The following EGFR variants were observed in gnomAD, a reference collection of about 807,000 sequenced individuals.
The protein encoded by EGFR is epidermal growth factor receptor.
A neutral mutation model predicts 143.0 loss-of-function variants in EGFR; 58 were observed. The ratio of observed to expected loss-of-function variants is 0.41; its 90% CI spans 0.33 to 0.50. The LOEUF (loss-of-function observed/expected upper bound fraction) is 0.50. EGFR is among the 20% of genes least tolerant of loss of function. The probability of loss-of-function intolerance (pLI) is 0.39; values close to 1 mark genes in which losing one functional copy is unlikely to be tolerated. For synonymous variants in EGFR, 613 were observed against 594.4 expected (o/e 1.03, Z -0.45); for missense variants, 1,307 against 1,579.0 (o/e 0.83, Z 2.92).
intron 1 of EGFR, among the ~76,000 whole-genome samples, chr7:55,048,169 C>A (rs1788288694): frequency 6.6e-6 from 1 of 151,798 alleles, no homozygotes; most frequent in African/African-American, 2.4e-5. Context: ...ATCCTTAGAC[C>A]CCCCCTCGGT....
At chr7:55,186,528 A>G (rs1436117479) in intron 20 of EGFR, among the ~76,000 whole-genome samples, 2 of 152,212 alleles carry the variant, frequency 1.3e-5, no homozygotes, top group African/African-American at 4.8e-5. Flanking sequence ...TCCTAGGTCC[A>G]AGGACCAGAG....
intron 5 of EGFR, among the ~76,000 whole-genome samples, chr7:55,152,059 C>T (rs771581052): frequency 5.3e-5 from 8 of 152,296 alleles, no homozygotes; most frequent in Admixed American, 2.0e-4. Context: ...AGCCTGAGCA[C>T]GGGTTCTCAT....
intron 1 of EGFR, among the ~76,000 whole-genome samples, chr7:55,069,507 G>C (rs1482814178): frequency 2.0e-5 from 3 of 152,224 alleles, no homozygotes; most frequent in Non-Finnish European, 2.9e-5. Flanking sequence ...TGGTGACCAA[G>C]CACATCAGAC....
chr7:55,081,375 T>C (rs184064596), intron 1 of EGFR, among the ~76,000 whole-genome samples: 28 of 152,304 alleles, frequency 1.8e-4, no homozygotes, highest in Non-Finnish European at 2.6e-4. Flanking sequence ...TCCTAGACTG[T>C]TCACACTGCT....
chr7:55,129,619 G>T (rs954595627), intron 1 of EGFR, among the ~76,000 whole-genome samples: 13 of 152,090 alleles, frequency 8.5e-5, no homozygotes, highest in Non-Finnish European at 1.6e-4. Flanking sequence ...AGTAAATTGT[G>T]CCCAGCACGG....
chr7:55,099,111 C>G (rs10255134), intron 1 of EGFR, among the ~76,000 whole-genome samples: 2,059 of 152,332 alleles, frequency 0.014, 48 homozygotes, highest in African/African-American at 0.047. Context: ...TCTGTGTGCT[C>G]TCTCGTATCT....
chr7:55,038,202 C>T (rs1787707518), intron 1 of EGFR, among the ~76,000 whole-genome samples: 1 of 152,156 alleles, frequency 6.6e-6, no homozygotes, highest in Non-Finnish European at 1.5e-5. Context: ...ATTGATCTGT[C>T]GTTCACATGC....
Position 55,205,550 on chromosome 7 carries a change from G to C in EGFR, c.3566G>C (p.Gly1189Ala), listed in dbSNP as rs747600559. 10 of 1,614,028 alleles carry C rather than the reference G, an allele frequency of 6.2e-6. No individual in the cohort carries two copies. The highest frequency in any genetic ancestry group is 3.3e-4 in the Middle Eastern group (2 of 6,084). Reference protein sequence around the residue: ...KEAKPNGIFKGSTAENAEYLR... With the variant: ...KEAKPNGIFKASTAENAEYLR... ...GCCAAGCCAAATGGCATCTTTAAGG[G>C]CTCCACAGCTGAAAATGCAGAATAC... Residue 1189 changes from glycine (G) to alanine (A), a missense_variant, in exon 28 of 28, where the codon GGC (glycine) becomes GCC (alanine). Gly to Ala is a moderately conservative substitution (Grantham distance 60). Around this residue, in one of 7 missense-constraint regions of EGFR, gnomAD observed 313 missense variants for 312.3 expected, o/e 1.00. Transcript: ENST00000275493.
chr7:55,031,148 C>A (rs1787219644), intron 1 of EGFR, among the ~76,000 whole-genome samples: 1 of 152,216 alleles, frequency 6.6e-6, no homozygotes, highest in Non-Finnish European at 1.5e-5. Context: ...AGCAATGGAT[C>A]TCCAGTTGTT....
chr7:55,035,250 T>C (rs1332755502), intron 1 of EGFR, among the ~76,000 whole-genome samples: 1 of 152,212 alleles, frequency 6.6e-6, no homozygotes, highest in Non-Finnish European at 1.5e-5. Flanking sequence ...TTTTAAGCAT[T>C]GTTATTCACT....
At chr7:55,043,178 G>A (rs1328890745) in intron 1 of EGFR, among the ~76,000 whole-genome samples, 1 of 152,152 alleles carries the variant, frequency 6.6e-6, no homozygotes, top group African/African-American at 2.4e-5. Context: ...TACGAGCTGA[G>A]TTGTGAATCA....
chr7:55,110,013 AAC>A (rs1362245256), intron 1 of EGFR: 15 of 908,428 alleles, frequency 1.7e-5, no homozygotes, highest in African/African-American at 9.0e-5. Flanking sequence ...TAACAGCATA[AAC>A]ACACAGTGTA....
intron 15 of EGFR, among the ~76,000 whole-genome samples, chr7:55,167,210 A>G (rs1384412585): frequency 8.0e-6 from 1 of 125,208 alleles, no homozygotes; most frequent in Non-Finnish European, 1.6e-5. Context: ...GGGAGTCACA[A>G]TGGTGTCGGT....
intron 1 of EGFR, among the ~76,000 whole-genome samples, chr7:55,038,151 C>A (rs1787704257): frequency 1.3e-5 from 2 of 152,068 alleles, no homozygotes; most frequent in Non-Finnish European, 2.9e-5. Context: ...CAGGTGGATC[C>A]GTTTTTGGAA....
At chr7:55,200,078 C>T (rs757472769) in intron 23 of EGFR, among the ~76,000 whole-genome samples, 7 of 152,098 alleles carry the variant, frequency 4.6e-5, no homozygotes, top group Non-Finnish European at 7.4e-5. Flanking sequence ...GAAGAGTGGG[C>T]GTAGAAAAAC....
intron 1 of EGFR, among the ~76,000 whole-genome samples, chr7:55,045,601 T>C (rs982793954): frequency 3.9e-5 from 6 of 152,204 alleles, no homozygotes; most frequent in Non-Finnish European, 8.8e-5. Context: ...TAAGTGGCTG[T>C]GTGATTGAGT....
chr7:55,112,646 G>A (rs545604486), intron 1 of EGFR, among the ~76,000 whole-genome samples: 2 of 152,284 alleles, frequency 1.3e-5, no homozygotes, highest in Admixed American at 6.5e-5. Flanking sequence ...TCTTCCTGCC[G>A]GCCTCTGGAG....
At chr7:55,085,827 G>T (rs1790720523) in intron 1 of EGFR, among the ~76,000 whole-genome samples, 1 of 152,122 alleles carries the variant, frequency 6.6e-6, no homozygotes, top group Admixed American at 6.5e-5. Context: ...TAAAAATAAG[G>T]AAATGAGGAG....
At chr7:55,101,961 T>G (rs1219051718) in intron 1 of EGFR, among the ~76,000 whole-genome samples, 2 of 152,180 alleles carry the variant, frequency 1.3e-5, no homozygotes, top group Non-Finnish European at 2.9e-5. Context: ...GGTTGTGCTA[T>G]GTCGGGAAAC....
Sources: allele counts gnomAD v4.1 joint callset (sites outside exome capture counted in the v4.1 genomes callset), GRCh38; gene constraint gnomAD v4.1.1; regional missense constraint gnomAD v4.1.1; transcripts MANE v1.5; gene names NCBI Gene and HGNC (gene_info 2026-07-23, HGNC 2026-07-21).